WFDC2: variants seen among roughly 807,000 people sequenced by gnomAD.
WFDC2 encodes the protein WAP four-disulfide core domain protein 2.
In WFDC2, 8 loss-of-function variants were observed where a neutral mutation model predicts 12.5. The ratio of observed to expected loss-of-function variants is 0.64; its 90% confidence interval spans 0.37 to 1.15. The LOEUF (loss-of-function observed/expected upper bound fraction) is 1.15, where lower values mean the gene tolerates loss of function less well. WFDC2 is among the 50% of genes most tolerant of loss of function. The probability of loss-of-function intolerance (pLI) is 0.01; values close to 1 mark genes in which losing one functional copy is unlikely to be tolerated. For missense variants in WFDC2, 166 were observed against 159.9 expected, an observed-to-expected ratio of 1.04 and a Z score of -0.21; for synonymous variants, 74 against 67.2, an observed-to-expected ratio of 1.10 and a Z score of -0.49.
chr20:45,480,189 G>A (rs1001696148), intron 3 of WFDC2, 95 bp downstream of exon 3: 2 of 1,550,966 alleles, frequency 1.3e-6, no homozygotes, highest in Non-Finnish European at 1.7e-6. Flanking sequence ...GAGGTTAGTT[G>A]CAGGGACAGT....
In WFDC2 at chr20:45,470,609, G is replaced by A. The variant is rs1179124286; in HGVS notation, c.223+77G>A. 2 of 1,474,444 alleles carry A rather than the reference G, an allele frequency of 1.4e-6. No homozygotes were observed. Among genetic ancestry groups the A allele is most frequent in the East Asian group, 2.5e-5 (1 of 40,554 alleles). The allele number at this position is 1,474,444 out of a possible 1,614,324, so 91.3% of individuals were successfully genotyped here. A position where few individuals can be genotyped will look rare whatever the true frequency, so the allele number is the denominator to read the frequency against. On this transcript the variant is annotated intron_variant, in intron 2 of 3. Coordinates refer to ENST00000372676, the MANE Select transcript of WFDC2 (RefSeq NM_006103.4). This position sits in a 1 kb window ranked among gnomAD's most constrained non-coding sequence, Gnocchi z 5.4. ...AGGAGGTGGGAGGGCCCGGGTTCCG[G>A]GAACAGGGGCGCCCCCGGACCCGGG... is the stretch of plus-strand genomic sequence containing the variant.
chr20:45,479,947 G>C lies in WFDC2; in HGVS notation c.229G>C (p.Glu77Gln). The C allele has an allele frequency of 1.9e-6, 3 of 1,614,244 alleles. No homozygotes were observed. Among genetic ancestry groups the C allele is most frequent in the Non-Finnish European group, 2.5e-6 (3 of 1,180,042 alleles). Reference protein sequence around the residue: ...ATFCSLPNDKEGSCPQVNINF... With the variant: ...ATFCSLPNDKQGSCPQVNINF... ...TTACTCCTTTTTCTACCCAGATAAGGAGGGTTCCTGCCCCCAGGTGAACAT... is the reference window on the plus strand; with the variant it reads ...TTACTCCTTTTTCTACCCAGATAAGCAGGGTTCCTGCCCCCAGGTGAACAT... Residue 77 changes from glutamate (E) to glutamine (Q), a missense_variant, in exon 3 of 4, where the codon GAG (glutamate) becomes CAG (glutamine). Coordinates refer to ENST00000372676, the MANE Select transcript of WFDC2 (RefSeq NM_006103.4).
chr20:45,475,459 T>G (rs1991221676), intron 2 of WFDC2, among the ~76,000 whole-genome samples: 1 of 152,212 alleles, frequency 6.6e-6, no homozygotes, highest in South Asian at 2.1e-4. Flanking sequence ...CAGGAGCAGG[T>G]TGTTCAGTTT....
chr20:45,480,219 G>A (rs1991285549), intron 3 of WFDC2, 125 bp downstream of exon 3: 1 of 1,370,082 alleles, frequency 7.3e-7, no homozygotes, highest in Non-Finnish European at 1.0e-6. Context: ...TATACCAGTG[G>A]GGTGACCCTC....
In WFDC2 at chr20:45,470,529, A is replaced by G; in HGVS notation, c.220A>G (p.Asn74Asp). The change falls in exon 2 of 4, where the codon AAT becomes GAT. Residue 74 changes from asparagine to aspartate, a missense_variant. Physicochemically the swap from Asn to Asp is conservative, Grantham distance 23. Transcript: ENST00000372676. The surrounding 1 kb of genome is among the most constrained non-coding windows in gnomAD (Gnocchi z 5.4). ...CTGTGCCACCTTCTGCTCTCTGCCC[A>G]ATGGTAACCCCACGGCGGCCGAGCG... is the stretch of plus-strand genomic sequence containing the variant. ...AGCATFCSLPNDKEGSCPQVN... is the reference protein window; with the variant it reads ...AGCATFCSLPDDKEGSCPQVN... 6.3e-7 allele frequency: 1 copy of G among 1,595,540 alleles called. No individual in the cohort carries two copies.
Position 45,470,591 on chromosome 20 carries a change from G to A in WFDC2, c.223+59G>A, listed in dbSNP as rs1391167157. 2 of 1,496,554 alleles carry A rather than the reference G, an allele frequency of 1.3e-6. No individual in the cohort carries two copies. The highest frequency in any genetic ancestry group is 4.4e-5 in the Admixed American group (2 of 45,142). 92.7% of individuals were successfully genotyped at this position (1,496,554 alleles called of 1,614,324 possible). On this transcript the variant is annotated intron_variant, in intron 2 of 3. Transcript: ENST00000372676. This position sits in a 1 kb window ranked among gnomAD's most constrained non-coding sequence, Gnocchi z 5.4. ...GGGCCGCGCTGGGCTGGGAGGAGGT[G>A]GGAGGGCCCGGGTTCCGGGAACAGG...
At chr20:45,479,779 C>A in intron 2 of WFDC2, 163 bp from the exon 3 acceptor site, 1 of 1,613,804 alleles carries the variant, frequency 6.2e-7, no homozygotes, top group South Asian at 1.1e-5. Flanking sequence ...GGTGATCTTC[C>A]TGGGCCTCCT....
chr20:45,474,353 ATC>A lies in WFDC2; in HGVS notation c.223+3822_223+3823del, dbSNP rs530958724. Among the ~76,000 whole-genome samples the A allele has an allele frequency of 1.7e-3, 255 of 152,288 alleles. No homozygotes were observed. The Middle Eastern group carries it at 0.017, about 10-fold the overall frequency. On this transcript the variant is annotated intron_variant, in intron 2 of 3. Transcript: ENST00000372676. ...CTCTTGTTACTTTGAGATACCTTCC[ATC>A]AATACCTAGTTTATTGAGTGTTTTA...
intron 2 of WFDC2, among the ~76,000 whole-genome samples, chr20:45,473,468 T>C (rs1247506541): frequency 2.0e-5 from 3 of 152,170 alleles, no homozygotes; most frequent in Non-Finnish European, 4.4e-5. Flanking sequence ...GTTTTTGCCA[T>C]GTTTGTCAAA....
chr20:45,472,291 C>G (rs946685994), intron 2 of WFDC2, among the ~76,000 whole-genome samples: 6 of 152,158 alleles, frequency 3.9e-5, no homozygotes, highest in African/African-American at 1.4e-4. Flanking sequence ...CCGACAGGCC[C>G]TGGTGTGTGA....
chr20:45,477,906 G>A (rs1380357330), intron 2 of WFDC2, among the ~76,000 whole-genome samples: 3 of 152,222 alleles, frequency 2.0e-5, no homozygotes, highest in East Asian at 1.9e-4. Flanking sequence ...CGGCTTTGCC[G>A]AGCTGTGTTG....
intron 2 of WFDC2, chr20:45,479,562 C>T: frequency 9.3e-7 from 1 of 1,073,214 alleles, no homozygotes; most frequent in South Asian, 1.3e-5. Context: ...CTCATAACTA[C>T]AGAGTAGTTT....
At position 45,475,742 on chromosome 20, in the gene WFDC2, C is replaced by T. The variant is rs548018780; in HGVS notation, c.224-4200C>T. 1.4e-4 allele frequency among the ~76,000 whole-genome samples: 21 copies of T among 152,106 alleles called. No homozygotes were observed. In the South Asian group the frequency reaches 3.3e-3, roughly 24 times the overall value. ...GTCTTGGATATCTTTGTTAATTTTC[C>T]GTCTCATTGATCTGTCTAATATTGA... is the stretch of plus-strand genomic sequence containing the variant. On this transcript the variant is annotated intron_variant, in intron 2 of 3. Transcript: ENST00000372676.
chr20:45,477,787 C>T (rs1257875544), intron 2 of WFDC2, among the ~76,000 whole-genome samples: 2 of 152,224 alleles, frequency 1.3e-5, no homozygotes, highest in African/African-American at 4.8e-5. Context: ...GGTGCTCTGT[C>T]CCAGGGAGAT....
chr20:45,475,111 G>A (rs980619876), intron 2 of WFDC2, among the ~76,000 whole-genome samples: 11 of 151,766 alleles, frequency 7.2e-5, no homozygotes, highest in African/African-American at 2.4e-4. Flanking sequence ...TTTTGTTGAT[G>A]TTTTTCAAAA....
At chr20:45,480,760 T>C (rs1335511646) in intron 3 of WFDC2, among the ~76,000 whole-genome samples, 1 of 152,150 alleles carries the variant, frequency 6.6e-6, no homozygotes, top group Non-Finnish European at 1.5e-5. Context: ...AGATGAGCAA[T>C]TGAAATCTAG....
chr20:45,476,462 T>C (rs764413809), intron 2 of WFDC2, among the ~76,000 whole-genome samples: 1 of 152,364 alleles, frequency 6.6e-6, no homozygotes, highest in Non-Finnish European at 1.5e-5. Context: ...TATGAAATTC[T>C]GGGTTGAAAA....
At position 45,470,556 on chromosome 20, in the gene WFDC2, G is replaced by C. The variant is rs750559639; in HGVS notation, c.223+24G>C. The C allele has an allele frequency of 2.5e-6, 4 of 1,572,258 alleles. No individual in the cohort carries two copies. In the Admixed American group the frequency reaches 7.2e-5, roughly 28 times the overall value. ...TGGTAACCCCACGGCGGCCGAGCGG[G>C]AACGGGGCGGGGCCGCGCTGGGCTG... On this transcript the variant is annotated intron_variant, in intron 2 of 3. Transcript: ENST00000372676. The surrounding 1 kb of genome is among the most constrained non-coding windows in gnomAD (Gnocchi z 5.4).
rs1386142307 is a variant in WFDC2, at chr20:45,470,561, G to A, written c.223+29G>A. On this transcript the variant is annotated intron_variant, in intron 2 of 3. Transcript: ENST00000372676. The surrounding 1 kb of genome is among the most constrained non-coding windows in gnomAD (Gnocchi z 5.4). ...ACCCCACGGCGGCCGAGCGGGAACG[G>A]GGCGGGGCCGCGCTGGGCTGGGAGG... The A allele has an allele frequency of 1.3e-6, 2 of 1,560,354 alleles. No individual in the cohort carries two copies. The highest frequency in any genetic ancestry group is 1.8e-4 in the Middle Eastern group (1 of 5,698).
Sources: gnomAD v4.1 joint callset for allele counts (sites outside exome capture counted in the v4.1 genomes callset) on GRCh38, gnomAD v4.1.1 for gene constraint, Gnocchi (gnomAD v3.1) non-coding constraint, MANE v1.5 for transcripts, NCBI Gene and HGNC (gene_info 2026-07-23, HGNC 2026-07-21) for gene names.